XPO6: variants seen among roughly 807,000 people sequenced by gnomAD.
The protein encoded by XPO6 is exportin 6, also known as exportin-6.
In XPO6, 3 loss-of-function variants were observed where a neutral mutation model predicts 130.0. That is an observed-to-expected ratio of 0.02 (90% CI 0.01 to 0.06). The LOEUF (loss-of-function observed/expected upper bound fraction) is 0.06, where lower values mean the gene tolerates loss of function less well. Among genes scored for constraint, XPO6 ranks in the 10% least tolerant of loss-of-function variants. The probability of loss-of-function intolerance (pLI) is 1.00; values close to 1 mark genes in which losing one functional copy is unlikely to be tolerated. For synonymous variants in XPO6, 524 were observed against 548.9 expected (o/e 0.95, Z 0.63); for missense variants, 970 against 1,393.0 (o/e 0.70, Z 4.83).
rs767607980 is a variant in XPO6 at position 28,169,861 on chromosome 16, T to C, written c.454A>G (p.Thr152Ala). Reference sequence around the variant, plus strand: ...GGACAAGCCAGCTCTTCTGAAGTTGTCTTCAACATGATCAGCCCAAGGGGG... The same window carrying C: ...GGACAAGCCAGCTCTTCTGAAGTTGCCTTCAACATGATCAGCCCAAGGGGG... ...TTPLGLIMLK[T>A]TSEELACPRE... The change falls in exon 5 of 24, where the codon ACA (threonine) becomes GCA (alanine). Residue 152 changes from threonine (T) to alanine (A), a missense_variant. Around this residue, in one of 4 missense-constraint regions of XPO6, gnomAD observed 936 missense variants for 1,306.8 expected, o/e 0.72. Coordinates refer to ENST00000304658, the MANE Select transcript of XPO6 (RefSeq NM_015171.4). 1 of 1,614,146 alleles carries C rather than the reference T, an allele frequency of 6.2e-7. No homozygotes were observed. The highest frequency in any genetic ancestry group is 8.5e-7 in the Non-Finnish European group (1 of 1,180,002).
Position 28,109,098 on chromosome 16 carries a change from A to G in XPO6, c.2342-1421T>C, listed in dbSNP as rs147749345. Reference sequence around the variant, plus strand: ...ACAGGCAACAGGGGAAGCAGTTTAGAGCAAAAAACCAACAGTCAAGAGACC... The same window carrying G: ...ACAGGCAACAGGGGAAGCAGTTTAGGGCAAAAAACCAACAGTCAAGAGACC... On this transcript the variant is annotated intron_variant, in intron 17 of 23. Transcript: ENST00000304658. Among the ~76,000 whole-genome samples the G allele has an allele frequency of 2.9e-3, 446 of 152,302 alleles. 1 individual carries two copies. Among genetic ancestry groups the G allele is most frequent in the African/African-American group, 0.01 (425 of 41,572 alleles).
Position 28,106,573 on chromosome 16 carries a change from T to A in XPO6, c.2498-76A>T. The A allele has an allele frequency of 8.6e-7, 1 of 1,157,844 alleles. No homozygotes were observed. 71.7% of individuals were successfully genotyped at this position (1,157,844 alleles called of 1,614,324 possible). On this transcript the variant is annotated intron_variant, in intron 18 of 23. Transcript: ENST00000304658. The surrounding 1 kb of genome is among the most constrained non-coding windows in gnomAD (Gnocchi z 4.2). ...AGAACCCTGGGCTTCATCAACCTACTCCTGAAATCTGCACTATCAGCTTTC... is the reference window on the plus strand; with the variant it reads ...AGAACCCTGGGCTTCATCAACCTACACCTGAAATCTGCACTATCAGCTTTC...
rs781504623 is a variant in XPO6, at chr16:28,106,521, G to A, written c.2498-24C>T. On this transcript the variant is annotated intron_variant, in intron 18 of 23. Coordinates refer to ENST00000304658, the MANE Select transcript of XPO6 (RefSeq NM_015171.4). This position sits in a 1 kb window ranked among gnomAD's most constrained non-coding sequence, Gnocchi z 4.2. Reference sequence around the variant, plus strand: ...ATCTGAGGAAAGGGGCAGAGATATCGTCAGAGGCTTGCACACAGTGAGAAC... The same window carrying A: ...ATCTGAGGAAAGGGGCAGAGATATCATCAGAGGCTTGCACACAGTGAGAAC... 28 of 1,590,362 alleles carry A rather than the reference G, an allele frequency of 1.8e-5. No homozygotes were observed. Among genetic ancestry groups the A allele is most frequent in the African/African-American group, 2.7e-5 (2 of 74,448 alleles).
At chr16:28,127,688 C>T (rs978097153) in intron 12 of XPO6, among the ~76,000 whole-genome samples, 2 of 152,198 alleles carry the variant, frequency 1.3e-5, no homozygotes, top group Non-Finnish European at 2.9e-5. Flanking sequence ...CCGCCACCAA[C>T]GTCAAGGGAT....
rs542603036 is a variant in XPO6 at position 28,146,124 on chromosome 16, C to T, written c.1304G>A (p.Arg435His). The T allele has an allele frequency of 4.6e-5, 74 of 1,613,992 alleles. No individual in the cohort carries two copies. Among genetic ancestry groups the T allele is most frequent in the Non-Finnish European group, 5.3e-5 (63 of 1,179,946 alleles). The change falls in exon 9 of 24, where the codon CGT becomes CAT. Residue 435 changes from arginine (R) to histidine (H), a missense_variant. By Grantham distance (29) the Arg-to-His change is conservative. Around this residue, in one of 4 missense-constraint regions of XPO6, gnomAD observed 936 missense variants for 1,306.8 expected, o/e 0.72. Coordinates refer to ENST00000304658, the MANE Select transcript of XPO6 (RefSeq NM_015171.4). ...LDYLTSKIKS[R>H]LGDKEAVLNR... Reference sequence around the variant, plus strand: ...GAGAACTGCTTCCTTGTCTCCAAGACGACTTTTAATTTTACTTGTCAGATA... The same window carrying T: ...GAGAACTGCTTCCTTGTCTCCAAGATGACTTTTAATTTTACTTGTCAGATA...
Position 28,156,455 on chromosome 16 carries a change from T to C in XPO6, c.716A>G (p.Asp239Gly). Residue 239 changes from aspartate (D) to glycine (G), a missense_variant, in exon 7 of 24, where the codon GAT becomes GGT. Transcript: ENST00000304658. ...GGAACAGATATACTCACTCTCCACA[T>C]CAAGGATGGGAATTGGCTGATTCAA... ...KLLNQPIPIL[D>G]VESEYICSLA... 1 of 1,611,884 alleles carries C rather than the reference T, an allele frequency of 6.2e-7. No homozygotes were observed. Among genetic ancestry groups the C allele is most frequent in the South Asian group, 1.1e-5 (1 of 90,974 alleles).
chr16:28,177,034 C>A (rs1196299083), intron 3 of XPO6, among the ~76,000 whole-genome samples, 186 bp downstream of exon 3: 1 of 152,078 alleles, frequency 6.6e-6, no homozygotes, highest in Non-Finnish European at 1.5e-5. Flanking sequence ...TCCATCTTAC[C>A]TTTCTAGTGT....
intron 4 of XPO6, among the ~76,000 whole-genome samples, chr16:28,175,627 C>T (rs971811506): frequency 6.6e-6 from 1 of 152,210 alleles, no homozygotes; most frequent in African/African-American, 2.4e-5. Context: ...CCCCCAACAC[C>T]TAGTACAGCA....
intron 12 of XPO6, among the ~76,000 whole-genome samples, chr16:28,127,505 A>C (rs575912578): frequency 1.1e-4 from 16 of 152,270 alleles, no homozygotes; most frequent in Admixed American, 1.0e-3. Flanking sequence ...AACAGAACAG[A>C]CGGCAAACTA....
rs367662461 is a variant in XPO6, at chr16:28,101,740, C to T, written c.3046-52G>A. On this transcript the variant is annotated intron_variant, in intron 22 of 23. Coordinates refer to ENST00000304658, the MANE Select transcript of XPO6 (RefSeq NM_015171.4). This position sits in a 1 kb window ranked among gnomAD's most constrained non-coding sequence, Gnocchi z 5.4. ...GCAGCCAGCCCCCAGGGGCCTGTCC[C>T]GGGTCCCATCCACTTTCTGTCACAC... 124 of 1,584,848 alleles carry T rather than the reference C, an allele frequency of 7.8e-5. No homozygotes were observed. The highest frequency in any genetic ancestry group is 6.7e-4 in the Middle Eastern group (4 of 5,930).
At chr16:28,120,195 C>A (rs528003008) in intron 14 of XPO6, among the ~76,000 whole-genome samples, 14 of 152,162 alleles carry the variant, frequency 9.2e-5, no homozygotes, top group African/African-American at 3.4e-4. Context: ...TAATCATCAT[C>A]ATCATCATCA....
intron 8 of XPO6, among the ~76,000 whole-genome samples, chr16:28,146,706 T>A (rs1007167026): frequency 3.3e-5 from 5 of 152,192 alleles, no homozygotes; most frequent in Admixed American, 6.5e-5. Context: ...AAGTAACACT[T>A]GCAGTCTTCC....
chr16:28,189,147 T>C (rs2043744755), intron 1 of XPO6, among the ~76,000 whole-genome samples: 1 of 151,680 alleles, frequency 6.6e-6, no homozygotes, highest in Non-Finnish European at 1.5e-5. Flanking sequence ...GGTTTCGCCA[T>C]GTTGCCCAGG....
chr16:28,134,217 G>T (rs2042731075), intron 10 of XPO6, among the ~76,000 whole-genome samples: 1 of 152,172 alleles, frequency 6.6e-6, no homozygotes, highest in African/African-American at 2.4e-5. Context: ...TCACCTGTTG[G>T]AAATGATCAC....
intron 2 of XPO6, among the ~76,000 whole-genome samples, chr16:28,179,584 C>T (rs1365363132): frequency 6.6e-6 from 1 of 152,138 alleles, no homozygotes; most frequent in Non-Finnish European, 1.5e-5. Context: ...CTACAATGAC[C>T]ACATGGTCTC....
chr16:28,160,374 G>A (rs963909636), intron 6 of XPO6, among the ~76,000 whole-genome samples: 7 of 150,746 alleles, frequency 4.6e-5, no homozygotes, highest in Admixed American at 3.3e-4. Context: ...CATGGCAGCT[G>A]CCACCTGTAA....
intron 8 of XPO6, among the ~76,000 whole-genome samples, chr16:28,150,705 A>T (rs2043070584): frequency 6.6e-6 from 1 of 152,140 alleles, no homozygotes; most frequent in South Asian, 2.1e-4. Flanking sequence ...TCCCCCAAGT[A>T]AGCCTCCTGT....
At chr16:28,139,014 AG>A (rs1596857962) in intron 9 of XPO6, among the ~76,000 whole-genome samples, 2 of 152,236 alleles carry the variant, frequency 1.3e-5, no homozygotes, top group Admixed American at 6.5e-5. Context: ...ATGCTCCATG[AG>A]GTTCCTCTAT....
At chr16:28,146,052 G>C (rs2042976879) in intron 9 of XPO6, 42 bp downstream of exon 9, 1 of 1,492,154 alleles carries the variant, frequency 6.7e-7, no homozygotes, top group Non-Finnish European at 9.3e-7. Flanking sequence ...AGAATAACTG[G>C]CAAAATGACC....
Sources: allele counts gnomAD v4.1 joint callset (sites outside exome capture counted in the v4.1 genomes callset), GRCh38; gene constraint gnomAD v4.1.1; regional missense constraint gnomAD v4.1.1; non-coding constraint Gnocchi (gnomAD v3.1); transcripts MANE v1.5; gene names NCBI Gene and HGNC (gene_info 2026-07-23, HGNC 2026-07-21).